The following EPHA4 variants were observed in gnomAD, a reference collection of about 807,000 sequenced individuals.
EPHA4 encodes ephrin type-A receptor 4.
A neutral mutation model predicts 108.3 loss-of-function variants in EPHA4; 19 were observed. The observed-to-expected ratio is 0.18, with a 90% CI of 0.12 to 0.26. EPHA4 has a LOEUF of 0.26. Ranked by LOEUF, EPHA4 falls within the 10% of genes least tolerant of loss-of-function variation. The probability of loss-of-function intolerance (pLI) is 1.00; values close to 1 mark genes in which losing one functional copy is unlikely to be tolerated. For missense variants in EPHA4, 917 were observed against 1,254.0 expected (o/e 0.73, Z 4.06); for synonymous variants, 449 against 455.5 (o/e 0.99, Z 0.18).
intron 3 of EPHA4, among the ~76,000 whole-genome samples, chr2:221,560,009 T>C (rs1211867338): frequency 2.0e-5 from 3 of 152,072 alleles, no homozygotes; most frequent in Admixed American, 2.0e-4. Flanking sequence ...CTGCTGGGGG[T>C]AGGAACTGCA....
At chr2:221,439,167 A>G (rs531916883) in intron 11 of EPHA4, among the ~76,000 whole-genome samples, 1 of 152,302 alleles carries the variant, frequency 6.6e-6, no homozygotes, top group East Asian at 1.9e-4. Flanking sequence ...GGCTGGTAGA[A>G]AAAGTGGGAA....
In EPHA4 at chr2:221,571,552, C is replaced by A. The variant is rs931386858; in HGVS notation, c.91+606G>T. On this transcript the variant is annotated intron_variant, in intron 1 of 17. Coordinates refer to ENST00000281821, the MANE Select transcript of EPHA4 (RefSeq NM_004438.5). The surrounding 1 kb of genome is among the most constrained non-coding windows in gnomAD (Gnocchi z 6.3). ...AGCTCGGGCCCCTCAGGCCCGCAAT[C>A]GCACCCTCGGGGCGCTGGGCTTGGC... is the stretch of plus-strand genomic sequence containing the variant. Among the ~76,000 whole-genome samples the A allele has an allele frequency of 1.3e-5, 2 of 152,242 alleles. No homozygotes were observed. The highest frequency in any genetic ancestry group is 4.8e-5 in the African/African-American group (2 of 41,482).
chr2:221,454,243 T>C (rs1261193092), intron 8 of EPHA4, among the ~76,000 whole-genome samples: 1 of 151,502 alleles, frequency 6.6e-6, no homozygotes, highest in Admixed American at 6.6e-5. Context: ...GCAAACTAGA[T>C]TATATGGTCA....
At chr2:221,490,814 T>C (rs529438974) in intron 4 of EPHA4, among the ~76,000 whole-genome samples, 2 of 152,346 alleles carry the variant, frequency 1.3e-5, no homozygotes, top group South Asian at 4.1e-4. Flanking sequence ...TTGTATATGT[T>C]GCCACCACTA....
chr2:221,450,810 C>T (rs922920149), intron 8 of EPHA4, among the ~76,000 whole-genome samples: 14 of 152,174 alleles, frequency 9.2e-5, no homozygotes, highest in Admixed American at 9.2e-4. Flanking sequence ...CAGCATGTGC[C>T]TGGTTATCAG....
At chr2:221,423,152 T>G (rs1248557618) in intron 17 of EPHA4, among the ~76,000 whole-genome samples, 1 of 152,206 alleles carries the variant, frequency 6.6e-6, no homozygotes, top group Non-Finnish European at 1.5e-5. Flanking sequence ...CTCACCGTGT[T>G]TTACTTAAGA....
At chr2:221,445,996 G>A (rs1690582054) in intron 9 of EPHA4, 127 bp downstream of exon 9, 1 of 428,046 alleles carries the variant, frequency 2.3e-6, no homozygotes, top group Non-Finnish European at 3.8e-6. Context: ...GTACATTATT[G>A]GGATAAGGAA....
In EPHA4 at chr2:221,473,655, A is replaced by G. The variant is rs936531965; in HGVS notation, c.1318+8697T>C. Among the ~76,000 whole-genome samples the G allele has an allele frequency of 5.9e-5, 9 of 151,900 alleles. No homozygotes were observed. The South Asian group carries it at 1.0e-3, about 18-fold the overall frequency. On this transcript the variant is annotated intron_variant, in intron 5 of 17. Transcript: ENST00000281821. ...TCTTTTCATTGATGTTCAATTGCAGACTGGTTTCTGGAGACCCATCTGGCT... is the reference window on the plus strand; with the variant it reads ...TCTTTTCATTGATGTTCAATTGCAGGCTGGTTTCTGGAGACCCATCTGGCT...
chr2:221,435,648 T>C (rs1022543802), intron 13 of EPHA4, among the ~76,000 whole-genome samples: 1 of 152,212 alleles, frequency 6.6e-6, no homozygotes, highest in African/African-American at 2.4e-5. Flanking sequence ...TATGATTCTG[T>C]GTTTATTCCA....
upstream of EPHA4, chr2:221,572,359 G>T: frequency 1.0e-6 from 1 of 952,602 alleles, no homozygotes; most frequent in Non-Finnish European, 1.6e-6. Context: ...CCCGGCCGGT[G>T]ACGTGAGCCC....
At chr2:221,498,837 G>A (rs1692386807) in intron 4 of EPHA4, among the ~76,000 whole-genome samples, 1 of 149,468 alleles carries the variant, frequency 6.7e-6, no homozygotes, top group Non-Finnish European at 1.5e-5. Context: ...TGTCATCTAG[G>A]GTGGAGTCCA....
chr2:221,436,485 C>T lies in EPHA4; in HGVS notation c.2260G>A (p.Val754Met). The change falls in exon 13 of 18, where the codon GTG becomes ATG. Residue 754 changes from valine (V) to methionine (M), a missense_variant. By Grantham distance (21) the Val-to-Met change is conservative (BLOSUM62 1). Transcript: ENST00000281821. The stretch of plus-strand genomic sequence containing the variant: ...ACTTTGCAGACCAAGTTGCTGTTCA[C>T]CAGGATGTTCCGTGCGGCCAGATCA... The part of the protein sequence containing the change: ...HRDLAARNIL[V>M]NSNLVCKVSD... The T allele has an allele frequency of 6.2e-7, 1 of 1,614,116 alleles. No individual in the cohort carries two copies. The highest frequency in any genetic ancestry group is 8.5e-7 in the Non-Finnish European group (1 of 1,180,010).
chr2:221,510,363 G>A (rs1235646060), intron 3 of EPHA4, among the ~76,000 whole-genome samples: 2 of 152,096 alleles, frequency 1.3e-5, no homozygotes, highest in Non-Finnish European at 1.5e-5. Flanking sequence ...ATAAATTATT[G>A]TATTGGCTTT....
At position 221,443,489 on chromosome 2, in the gene EPHA4, T is replaced by C; in HGVS notation, c.1888+4A>G. 6.2e-7 allele frequency: 1 copy of C among 1,609,400 alleles called. No individual in the cohort carries two copies. Among genetic ancestry groups the C allele is most frequent in the Non-Finnish European group, 8.5e-7 (1 of 1,175,958 alleles). ...CATTAGCAGACGGACACTCAGACAC[T>C]TACCAACTCCTATAACTTTTTCAAT... On this transcript the variant is annotated splice_donor_region_variant and intron_variant, in intron 10 of 17. Transcript: ENST00000281821.
In EPHA4 at chr2:221,572,281, T is replaced by G. The variant is rs773197038; in HGVS notation, c.-33A>C. ...CGGTGCCAACGCTGCTCCTGCCGCT[T>G]CTATCCCAGTGGAATAAATGCTTAA... On this transcript the variant is annotated 5_prime_UTR_variant, in exon 1 of 18. Coordinates refer to ENST00000281821, the MANE Select transcript of EPHA4 (RefSeq NM_004438.5). 6.4e-7 allele frequency: 1 copy of G among 1,559,552 alleles called. No homozygotes were observed. Among genetic ancestry groups the G allele is most frequent in the East Asian group, 2.2e-5 (1 of 44,574 alleles).
At chr2:221,570,793 TGGATGGAG>T (rs1694811091) in intron 1 of EPHA4, among the ~76,000 whole-genome samples, 2 of 151,540 alleles carry the variant, frequency 1.3e-5, no homozygotes, top group African/African-American at 4.9e-5. Context: ...AATGGGTGGA[TGGATGGAG>T]GGATGGATGG....
In EPHA4 at chr2:221,572,154, T is replaced by G; in HGVS notation, c.91+4A>C. Reference sequence around the variant, plus strand: ...CGACCACAGAAAGGCCGTCCCGCTCTTACCTTCATTCGCGGGGTATACCCT... The same window carrying G: ...CGACCACAGAAAGGCCGTCCCGCTCGTACCTTCATTCGCGGGGTATACCCT... On this transcript the variant is annotated splice_donor_region_variant and intron_variant, in intron 1 of 17. Coordinates refer to ENST00000281821, the MANE Select transcript of EPHA4 (RefSeq NM_004438.5). 1 of 1,613,182 alleles carries G rather than the reference T, an allele frequency of 6.2e-7. No homozygotes were observed. The highest frequency in any genetic ancestry group is 1.1e-5 in the South Asian group (1 of 91,058).
chr2:221,530,423 A>G (rs1350576204), intron 3 of EPHA4, among the ~76,000 whole-genome samples: 2 of 152,214 alleles, frequency 1.3e-5, no homozygotes, highest in Non-Finnish European at 2.9e-5. Flanking sequence ...ATTCTCTAAC[A>G]TGAAACATTT....
At chr2:221,423,326 CG>C (rs1689809314) in intron 17 of EPHA4, among the ~76,000 whole-genome samples, 1 of 152,292 alleles carries the variant, frequency 6.6e-6, no homozygotes, top group Admixed American at 6.5e-5. Flanking sequence ...CATAGCTGTC[CG>C]GATGCCAGAG....
Sources: allele counts gnomAD v4.1 joint callset (sites outside exome capture counted in the v4.1 genomes callset), GRCh38; gene constraint gnomAD v4.1.1; non-coding constraint Gnocchi (gnomAD v3.1); transcripts MANE v1.5; gene names NCBI Gene and HGNC (gene_info 2026-07-23, HGNC 2026-07-21).